Variants in SORT1 observed in about 807,000 individuals in gnomAD.
SORT1 encodes the protein sortilin.
SORT1 carries 39 observed loss-of-function variants against 101.7 expected under a neutral mutation model. That is an observed-to-expected ratio of 0.38 (90% CI 0.30 to 0.50). The LOEUF (loss-of-function observed/expected upper bound fraction) is 0.50, where lower values mean the gene tolerates loss of function less well. Ranked by LOEUF, SORT1 falls within the 20% of genes least tolerant of loss-of-function variation. The probability of loss-of-function intolerance (pLI) is 0.90; values close to 1 mark genes in which losing one functional copy is unlikely to be tolerated. For synonymous variants in SORT1, 396 were observed against 393.7 expected (o/e 1.01, Z -0.07); for missense variants, 878 against 1,040.4 (o/e 0.84, Z 2.15).
At chr1:109,389,521 G>A (rs1055234177) in intron 1 of SORT1, among the ~76,000 whole-genome samples, 6 of 152,172 alleles carry the variant, frequency 3.9e-5, no homozygotes, top group Non-Finnish European at 7.4e-5. Flanking sequence ...TCAGCCAGCC[G>A]CATCAGCAAA....
At chr1:109,381,963 T>C (rs1027898985) in intron 1 of SORT1, among the ~76,000 whole-genome samples, 8 of 152,144 alleles carry the variant, frequency 5.3e-5, no homozygotes, top group African/African-American at 1.9e-4. Flanking sequence ...TGCACTCTTC[T>C]TTATAGTTTT....
chr1:109,346,772 C>CA (rs1649635292), intron 7 of SORT1, among the ~76,000 whole-genome samples: 1 of 150,182 alleles, frequency 6.7e-6, no homozygotes, highest in South Asian at 2.1e-4. Flanking sequence ...AAAGCCACAG[C>CA]ATGCTGCTTT....
At chr1:109,356,115 G>A (rs1028042669) in intron 3 of SORT1, among the ~76,000 whole-genome samples, 10 of 152,150 alleles carry the variant, frequency 6.6e-5, no homozygotes, top group East Asian at 1.9e-4. Flanking sequence ...AAAGTGATCC[G>A]CCCGCCTCGG....
chr1:109,362,844 A>G (rs1650817893), intron 3 of SORT1, among the ~76,000 whole-genome samples: 1 of 152,072 alleles, frequency 6.6e-6, no homozygotes, highest in Non-Finnish European at 1.5e-5. Context: ...AATGGAATTT[A>G]TCCCAACCTT....
intron 15 of SORT1, among the ~76,000 whole-genome samples, chr1:109,319,906 C>T (rs564774839): frequency 4.3e-4 from 66 of 152,090 alleles, no homozygotes; most frequent in African/African-American, 1.3e-3. Context: ...TGAGTGTCTG[C>T]AGTGCCCCTA....
At chr1:109,379,491 G>A (rs1222396334) in intron 1 of SORT1, among the ~76,000 whole-genome samples, 1 of 152,164 alleles carries the variant, frequency 6.6e-6, no homozygotes, top group African/African-American at 2.4e-5. Context: ...CTAAACGTAT[G>A]ATCTAGAAAC....
chr1:109,396,736 T>A (rs1277245401), intron 1 of SORT1, among the ~76,000 whole-genome samples: 2 of 152,206 alleles, frequency 1.3e-5, no homozygotes, highest in African/African-American at 4.8e-5. Context: ...GGAGAAAATA[T>A]ATAGAATTGA....
At chr1:109,323,345 C>A (rs960445920) in intron 14 of SORT1, among the ~76,000 whole-genome samples, 2 of 152,214 alleles carry the variant, frequency 1.3e-5, no homozygotes, top group African/African-American at 4.8e-5. Context: ...CAACATCCAT[C>A]TGAGGATTAG....
At chr1:109,345,360 C>CA (rs770974653) in intron 8 of SORT1, among the ~76,000 whole-genome samples, 40 of 152,048 alleles carry the variant, frequency 2.6e-4, no homozygotes, top group Non-Finnish European at 5.0e-4. Flanking sequence ...ACTAAAAATA[C>CA]AAAAATTATC....
intron 10 of SORT1, among the ~76,000 whole-genome samples, chr1:109,336,620 C>T (rs904756405): frequency 1.2e-4 from 18 of 151,940 alleles, no homozygotes; most frequent in African/African-American, 4.1e-4. Context: ...CCAGCCTGGC[C>T]AACATGGTGA....
intron 3 of SORT1, among the ~76,000 whole-genome samples, chr1:109,358,224 T>A (rs1008633282): frequency 6.6e-6 from 1 of 152,110 alleles, no homozygotes; most frequent in Admixed American, 6.6e-5. Context: ...TTAAGTAGGG[T>A]TCTAGCAAGG....
Position 109,383,169 on chromosome 1 carries a change from C to T in SORT1, c.307-13580G>A, listed in dbSNP as rs561741179. ...AACACTGAAAAAACTAACACCTGCACTATTGCATGTGGGTCAGTTTTCCCA... is the reference window on the plus strand; with the variant it reads ...AACACTGAAAAAACTAACACCTGCATTATTGCATGTGGGTCAGTTTTCCCA... On this transcript the variant is annotated intron_variant, in intron 1 of 19. Coordinates refer to ENST00000256637, the MANE Select transcript of SORT1 (RefSeq NM_002959.7). Among the ~76,000 whole-genome samples the T allele has an allele frequency of 2.0e-5, 3 of 152,214 alleles. No individual in the cohort carries two copies. In the East Asian group the frequency reaches 5.8e-4, roughly 29 times the overall value.
chr1:109,369,389 G>A, intron 2 of SORT1, 141 bp downstream of exon 2: 1 of 609,120 alleles, frequency 1.6e-6, no homozygotes, highest in Non-Finnish European at 3.0e-6. Context: ...CTTCCTGAAA[G>A]TCTGTCTTGC....
At chr1:109,328,069 G>A (rs530256097) in intron 11 of SORT1, among the ~76,000 whole-genome samples, 1 of 152,030 alleles carries the variant, frequency 6.6e-6, no homozygotes, top group Non-Finnish European at 1.5e-5. Context: ...CCTTTTAAAG[G>A]CTAAATATTA....
At chr1:109,380,677 T>A (rs1325155428) in intron 1 of SORT1, among the ~76,000 whole-genome samples, 4 of 151,662 alleles carry the variant, frequency 2.6e-5, no homozygotes, top group Admixed American at 6.6e-5. Flanking sequence ...AGCTATTTAA[T>A]CTCTAAAACA....
chr1:109,394,967 T>C (rs1464062757), intron 1 of SORT1, among the ~76,000 whole-genome samples: 2 of 152,178 alleles, frequency 1.3e-5, no homozygotes, highest in Non-Finnish European at 2.9e-5. Context: ...CACTGTTTTA[T>C]AAACGGTCCA....
At chr1:109,369,903 T>C (rs943718742) in intron 1 of SORT1, among the ~76,000 whole-genome samples, 6 of 152,184 alleles carry the variant, frequency 3.9e-5, no homozygotes, top group Admixed American at 1.3e-4. Flanking sequence ...TATAAAGGTA[T>C]AGCAAAGTAT....
At chr1:109,381,357 T>C (rs1473873813) in intron 1 of SORT1, among the ~76,000 whole-genome samples, 1 of 152,134 alleles carries the variant, frequency 6.6e-6, no homozygotes, top group African/African-American at 2.4e-5. Flanking sequence ...ACTGGAGATT[T>C]GTTAAGTAAA....
intron 1 of SORT1, among the ~76,000 whole-genome samples, chr1:109,396,248 T>A (rs1653171167): frequency 6.6e-6 from 1 of 152,004 alleles, no homozygotes; most frequent in African/African-American, 2.4e-5. Flanking sequence ...TAAAGTTAGG[T>A]CAACCAGCGA....
Sources: gnomAD v4.1 joint callset for allele counts (sites outside exome capture counted in the v4.1 genomes callset) on GRCh38, gnomAD v4.1.1 for gene constraint, MANE v1.5 for transcripts, NCBI Gene and HGNC (gene_info 2026-07-23, HGNC 2026-07-21) for gene names.